Variants in PTPRG observed in about 807,000 individuals in gnomAD.
PTPRG encodes the protein receptor-type tyrosine-protein phosphatase gamma.
Under a neutral mutation model 165.3 loss-of-function variants are expected in PTPRG, and 102 were observed. That is an observed-to-expected ratio of 0.62 (90% CI 0.53 to 0.73). PTPRG has a LOEUF of 0.73. Among genes scored for constraint, PTPRG ranks in the 30% least tolerant of loss-of-function variants. The pLI is 0.00. For synonymous variants in PTPRG, 675 were observed against 669.5 expected, an observed-to-expected ratio of 1.01 and a Z score of -0.13; for missense variants, 1,866 against 1,861.4, an observed-to-expected ratio of 1.00 and a Z score of -0.05.
chr3:61,827,533 A>G (rs964300735), intron 2 of PTPRG, among the ~76,000 whole-genome samples: 1 of 152,066 alleles, frequency 6.6e-6, no homozygotes, highest in Admixed American at 6.5e-5. Context: ...TGACCTCATG[A>G]TATTTTGTGA....
intron 4 of PTPRG, among the ~76,000 whole-genome samples, chr3:62,014,116 T>C (rs2041487395): frequency 1.3e-5 from 2 of 152,166 alleles, no homozygotes; most frequent in Non-Finnish European, 2.9e-5. Flanking sequence ...AGTGCCACCG[T>C]CACTCAGAAG....
intron 6 of PTPRG, among the ~76,000 whole-genome samples, chr3:62,135,650 C>T (rs1381791051): frequency 2.0e-5 from 3 of 152,088 alleles, no homozygotes; most frequent in Non-Finnish European, 2.9e-5. Flanking sequence ...CTTAAGCAGA[C>T]GCCAAGGTGG....
Position 61,866,582 on chromosome 3 carries a change from C to CTTTTTTTTTTTTTT in PTPRG, c.190+117623_190+117636dup, listed in dbSNP as rs532356516. Among the ~76,000 whole-genome samples the CTTTTTTTTTTTTTT allele has an allele frequency of 2.9e-4, 20 of 69,112 alleles. 4 individuals are homozygous for CTTTTTTTTTTTTTT. The highest frequency in any genetic ancestry group is 3.8e-4 in the African/African-American group (9 of 23,466). The allele number at this position is 69,112 out of a possible 152,430, so 45.3% of individuals were successfully genotyped here. A position where few individuals can be genotyped will look rare whatever the true frequency, so the allele number is the denominator to read the frequency against. The stretch of plus-strand genomic sequence containing the variant: ...TTCCCTGGCTTTGGAACTGTTTGCT[C>CTTTTTTTTTTTTTT]TTTTTTTTTTTTTTTTTTTTTTTTT... On this transcript the variant is annotated intron_variant, in intron 2 of 29. Transcript: ENST00000474889.
At chr3:61,847,516 T>C (rs956931358) in intron 2 of PTPRG, among the ~76,000 whole-genome samples, 1 of 152,150 alleles carries the variant, frequency 6.6e-6, no homozygotes, top group Non-Finnish European at 1.5e-5. Context: ...GCACTCAGTC[T>C]CACCGGCTGT....
chr3:61,735,152 A>G (rs1020559603), intron 1 of PTPRG, among the ~76,000 whole-genome samples: 10 of 152,256 alleles, frequency 6.6e-5, no homozygotes, highest in African/African-American at 2.4e-4. Context: ...TTTTAGAGCT[A>G]TTTAAACAGA....
At chr3:61,923,816 A>G (rs1392918363) in intron 2 of PTPRG, among the ~76,000 whole-genome samples, 1 of 149,810 alleles carries the variant, frequency 6.7e-6, no homozygotes, top group Non-Finnish European at 1.5e-5. Flanking sequence ...GACTATAAGC[A>G]TGAGCCACTG....
intron 2 of PTPRG, among the ~76,000 whole-genome samples, chr3:61,923,470 A>G (rs757877166): frequency 1.3e-5 from 2 of 151,866 alleles, no homozygotes; most frequent in African/African-American, 2.4e-5. Context: ...GGTTTGTTAC[A>G]TACGTATACA....
At chr3:61,761,754 T>C (rs13096775) in intron 2 of PTPRG, among the ~76,000 whole-genome samples, 5,753 of 152,336 alleles carry the variant, frequency 0.038, 153 homozygotes, top group Non-Finnish European at 0.058. Flanking sequence ...ATCCACATTC[T>C]TCCAGCTTGA....
At chr3:62,127,563 C>T (rs1379531159) in intron 5 of PTPRG, among the ~76,000 whole-genome samples, 1 of 152,236 alleles carries the variant, frequency 6.6e-6, no homozygotes, top group Non-Finnish European at 1.5e-5. Context: ...AGCCATTCAC[C>T]CTCAGCATGC....
At chr3:62,118,672 A>T (rs1702950867) in intron 5 of PTPRG, among the ~76,000 whole-genome samples, 1 of 152,240 alleles carries the variant, frequency 6.6e-6, no homozygotes, top group Admixed American at 6.5e-5. Flanking sequence ...AAGAAAATAA[A>T]AAGAAATCTC....
At chr3:61,745,845 A>T (rs1241291480) in intron 1 of PTPRG, among the ~76,000 whole-genome samples, 2 of 152,202 alleles carry the variant, frequency 1.3e-5, no homozygotes, top group Non-Finnish European at 2.9e-5. Context: ...ATTTATGACC[A>T]GGATTTCAAG....
chr3:61,721,102 G>A (rs568265964), intron 1 of PTPRG, among the ~76,000 whole-genome samples: 3 of 152,100 alleles, frequency 2.0e-5, no homozygotes, highest in Admixed American at 6.5e-5. Context: ...TAATAAATTT[G>A]CACCAAATTT....
chr3:61,979,642 T>C (rs2040593580), intron 2 of PTPRG, among the ~76,000 whole-genome samples: 2 of 152,204 alleles, frequency 1.3e-5, no homozygotes, highest in African/African-American at 4.8e-5. Flanking sequence ...TTTATTGAAA[T>C]AGAAGTGCAA....
At chr3:62,026,879 TAA>T (rs200417191) in intron 4 of PTPRG, among the ~76,000 whole-genome samples, 7 of 94,676 alleles carry the variant, frequency 7.4e-5, no homozygotes, top group Admixed American at 1.2e-4. Flanking sequence ...GAGTGAGAAT[TAA>T]AAAAAAAAAA....
chr3:61,824,509 T>C (rs534948112), intron 2 of PTPRG, among the ~76,000 whole-genome samples: 22 of 152,326 alleles, frequency 1.4e-4, no homozygotes, highest in Non-Finnish European at 2.4e-4. Context: ...TTGAGGATTT[T>C]CAATCTCAAT....
At chr3:62,108,851 T>A (rs557989943) in intron 5 of PTPRG, among the ~76,000 whole-genome samples, 114 of 152,352 alleles carry the variant, frequency 7.5e-4, no homozygotes, top group African/African-American at 2.6e-3. Context: ...TTTTGAGAAG[T>A]GTCTGTTCAT....
intron 2 of PTPRG, among the ~76,000 whole-genome samples, chr3:61,915,849 T>C (rs1363601815): frequency 2.6e-5 from 4 of 152,178 alleles, no homozygotes; most frequent in Non-Finnish European, 1.5e-5. Flanking sequence ...CTGAATACTA[T>C]AGGAAATCCC....
chr3:62,171,179 A>G (rs961679524), intron 8 of PTPRG, among the ~76,000 whole-genome samples: 24 of 152,168 alleles, frequency 1.6e-4, no homozygotes. Context: ...ATACATGCAT[A>G]TGTAGATTAT....
rs1055688775 is a variant in PTPRG at position 62,218,896 on chromosome 3, G to C, written c.2201G>C (p.Arg734Thr). 6.2e-7 allele frequency: 1 copy of C among 1,613,892 alleles called. No individual in the cohort carries two copies. Among genetic ancestry groups the C allele is most frequent in the Admixed American group, 1.7e-5 (1 of 60,022 alleles). Reference sequence around the variant, plus strand: ...ATGATAAGCCGCCCTGCTCCAGGGAGGATGGAGTGGATCATCCCTCTGATT... The same window carrying C: ...ATGATAAGCCGCCCTGCTCCAGGGACGATGGAGTGGATCATCCCTCTGATT... ...SGMISRPAPGRMEWIIPLIVV... is the reference protein window; with the variant it reads ...SGMISRPAPGTMEWIIPLIVV... The change falls in exon 13 of 30, where the codon AGG becomes ACG. Residue 734 changes from arginine (R) to threonine (T), a missense_variant. Arg to Thr is a moderately conservative substitution (Grantham distance 71). This residue lies in a region of PTPRG where 1,452 missense variants were observed against 1,463.0 expected (regional missense o/e 0.99). Transcript: ENST00000474889.
Sources: allele counts gnomAD v4.1 joint callset (sites outside exome capture counted in the v4.1 genomes callset), GRCh38; gene constraint gnomAD v4.1.1; regional missense constraint gnomAD v4.1.1; transcripts MANE v1.5; gene names NCBI Gene and HGNC (gene_info 2026-07-23, HGNC 2026-07-21).